EHD4: variants seen among roughly 807,000 people sequenced by gnomAD.
EHD4 encodes EH domain containing 4.
In EHD4, 37 loss-of-function variants were observed where a neutral mutation model predicts 51.0. The ratio of observed to expected loss-of-function variants is 0.73; its 90% confidence interval spans 0.56 to 0.95. The LOEUF is 0.95. Ranked by LOEUF, EHD4 falls within the 40% of genes least tolerant of loss-of-function variation. The pLI, the probability that EHD4 is intolerant of heterozygous loss-of-function variation, is 0.00. For synonymous variants in EHD4, 297 were observed against 317.3 expected, an observed-to-expected ratio of 0.94 and a Z score of 0.68; for missense variants, 632 against 733.1, an observed-to-expected ratio of 0.86 and a Z score of 1.59.
At chr15:41,968,852 A>T (rs1452979988) in intron 1 of EHD4, among the ~76,000 whole-genome samples, 1 of 152,192 alleles carries the variant, frequency 6.6e-6, no homozygotes, top group Non-Finnish European at 1.5e-5. Context: ...TAGTATATTC[A>T]CAAAGTTGTG....
chr15:41,970,504 G>A (rs2067988587), intron 1 of EHD4, among the ~76,000 whole-genome samples: 1 of 152,246 alleles, frequency 6.6e-6, no homozygotes. Context: ...AGAGAAGAGT[G>A]AGAATATAAT....
At chr15:41,917,601 C>T (rs756899204) in intron 4 of EHD4, among the ~76,000 whole-genome samples, 5 of 152,248 alleles carry the variant, frequency 3.3e-5, no homozygotes, top group Non-Finnish European at 5.9e-5. Context: ...GGGTGTCACA[C>T]ACCTTGAAGG....
chr15:41,919,430 A>C lies in EHD4; in HGVS notation c.704T>G (p.Val235Gly). Residue 235 changes from valine (V) to glycine (G), a missense_variant, in exon 4 of 6, where the codon GTC becomes GGC. Physicochemically the swap from Val to Gly is moderately radical, Grantham distance 109. Coordinates refer to ENST00000220325, the MANE Select transcript of EHD4 (RefSeq NM_139265.4). Reference sequence around the variant, plus strand: ...TAGGGACCACATGAGGGCCCCGTAGACCCGCATCAGCTGCTGCGTGTCCAC... The same window carrying C: ...TAGGGACCACATGAGGGCCCCGTAGCCCCGCATCAGCTGCTGCGTGTCCAC... ...DQVDTQQLMRVYGALMWSLGK... is the reference protein window; with the variant it reads ...DQVDTQQLMRGYGALMWSLGK... The C allele has an allele frequency of 6.3e-7, 1 of 1,587,772 alleles. No homozygotes were observed. The highest frequency in any genetic ancestry group is 8.6e-7 in the Non-Finnish European group (1 of 1,165,564).
At chr15:41,923,482 T>G (rs2067641159) in intron 3 of EHD4, among the ~76,000 whole-genome samples, 1 of 152,302 alleles carries the variant, frequency 6.6e-6, no homozygotes, top group East Asian at 1.9e-4. Context: ...AGACCACTGA[T>G]CCTCAAAGCC....
chr15:41,948,781 C>A (rs556063864), intron 2 of EHD4, among the ~76,000 whole-genome samples: 4 of 152,232 alleles, frequency 2.6e-5, no homozygotes, highest in South Asian at 4.1e-4. Context: ...GTAATCCCAG[C>A]ACTCTGGGAG....
intron 1 of EHD4, among the ~76,000 whole-genome samples, chr15:41,966,833 C>T (rs929913247): frequency 5.3e-5 from 8 of 152,206 alleles, no homozygotes; most frequent in African/African-American, 1.9e-4. Flanking sequence ...AGCACTGAGC[C>T]ACTACCCTCC....
At chr15:41,906,526 G>A (rs1402188215) in intron 5 of EHD4, among the ~76,000 whole-genome samples, 1 of 152,146 alleles carries the variant, frequency 6.6e-6, no homozygotes, top group African/African-American at 2.4e-5. Flanking sequence ...CCAAACGCAG[G>A]TACCCAGAAA....
intron 4 of EHD4, among the ~76,000 whole-genome samples, chr15:41,914,742 A>C (rs149374844): frequency 3.8e-4 from 57 of 152,000 alleles, no homozygotes; most frequent in Non-Finnish European, 7.4e-4. Flanking sequence ...TTTAGCCTGA[A>C]TCCATTTGGT....
chr15:41,922,615 T>C (rs551101231), intron 3 of EHD4, among the ~76,000 whole-genome samples: 44 of 152,338 alleles, frequency 2.9e-4, no homozygotes, highest in African/African-American at 1.0e-3. Flanking sequence ...CTGGGTTGAA[T>C]GGTTACCTTT....
At position 41,900,954 on chromosome 15, in the gene EHD4, C is replaced by A. The variant is rs756507905; in HGVS notation, c.1317G>T (p.Glu439Asp). Reference sequence around the variant, plus strand: ...TGTCTTTGGCCACGACCCACTCCTCCTCGTCGGCGCCCTCCTTGGCACCCT... The same window carrying A: ...TGTCTTTGGCCACGACCCACTCCTCATCGTCGGCGCCCTCCTTGGCACCCT... ...YGEGAKEGAD[E>D]EEWVVAKDKP... The change falls in exon 6 of 6, where the codon GAG becomes GAT. Residue 439 changes from glutamate (E) to aspartate (D), a missense_variant. Coordinates refer to ENST00000220325, the MANE Select transcript of EHD4 (RefSeq NM_139265.4). This position sits in a 1 kb window ranked among gnomAD's most constrained non-coding sequence, Gnocchi z 4.8. The A allele has an allele frequency of 6.2e-7, 1 of 1,613,044 alleles. No individual in the cohort carries two copies. Among genetic ancestry groups the A allele is most frequent in the African/African-American group, 1.3e-5 (1 of 74,916 alleles).
chr15:41,936,872 G>C (rs953264647), intron 3 of EHD4, among the ~76,000 whole-genome samples: 2 of 152,170 alleles, frequency 1.3e-5, no homozygotes, highest in Non-Finnish European at 2.9e-5. Context: ...GAAACAAAAA[G>C]AAATCAGGAT....
chr15:41,932,120 T>C (rs184186268), intron 3 of EHD4, among the ~76,000 whole-genome samples: 1 of 152,314 alleles, frequency 6.6e-6, no homozygotes. Flanking sequence ...GGCAAAAGAT[T>C]AGGAACAGCC....
At chr15:41,911,376 G>A (rs967134305) in intron 4 of EHD4, among the ~76,000 whole-genome samples, 2 of 152,158 alleles carry the variant, frequency 1.3e-5, no homozygotes, top group Admixed American at 6.5e-5. Flanking sequence ...TGAGAAACCC[G>A]AAGTTTGGGA....
Position 41,900,561 on chromosome 15 carries a change from G to T in EHD4, c.*84C>A, listed in dbSNP as rs1401462154. On this transcript the variant is annotated 3_prime_UTR_variant, in exon 6 of 6. Coordinates refer to ENST00000220325, the MANE Select transcript of EHD4 (RefSeq NM_139265.4). The surrounding 1 kb of genome is among the most constrained non-coding windows in gnomAD (Gnocchi z 4.8). The stretch of plus-strand genomic sequence containing the variant: ...CAAGGCACAGAGAGGGCAGTGCCTT[G>T]CCCAAGGTCATTCGGTGAGTCAGTG... The T allele has an allele frequency of 1.9e-5, 27 of 1,405,596 alleles. No individual in the cohort carries two copies. The highest frequency in any genetic ancestry group is 2.4e-5 in the Non-Finnish European group (25 of 1,055,464). The allele number at this position is 1,405,596 out of a possible 1,614,324, so 87.1% of individuals were successfully genotyped here. A position where few individuals can be genotyped will look rare whatever the true frequency, so the allele number is the denominator to read the frequency against.
At chr15:41,920,558 C>A (rs1038150070) in intron 3 of EHD4, among the ~76,000 whole-genome samples, 34 of 152,242 alleles carry the variant, frequency 2.2e-4, no homozygotes, top group Admixed American at 2.0e-4. Flanking sequence ...CTCCCCTCTT[C>A]TTTTAGATTT....
At chr15:41,911,131 G>A (rs2067546778) in intron 4 of EHD4, among the ~76,000 whole-genome samples, 1 of 152,170 alleles carries the variant, frequency 6.6e-6, no homozygotes, top group Non-Finnish European at 1.5e-5. Flanking sequence ...GTGAGGATTT[G>A]GATGCTAACC....
intron 3 of EHD4, chr15:41,941,616 G>A (rs2067771930): frequency 6.7e-6 from 1 of 149,742 alleles, no homozygotes; most frequent in African/African-American, 2.5e-5. Flanking sequence ...TAATTGCAAG[G>A]TTCTTGGAGG....
At chr15:41,911,100 G>C (rs2067546637) in intron 4 of EHD4, among the ~76,000 whole-genome samples, 1 of 152,182 alleles carries the variant, frequency 6.6e-6, no homozygotes, top group Non-Finnish European at 1.5e-5. Context: ...GACACATGCT[G>C]GACACAGCCA....
Position 41,943,148 on chromosome 15 carries a change from G to A in EHD4, c.430C>T (p.Leu144Phe). Residue 144 changes from leucine (L) to phenylalanine (F), a missense_variant, in exon 3 of 6, where the codon CTC (leucine) becomes TTC (phenylalanine). By Grantham distance (22) the Leu-to-Phe change is conservative. Transcript: ENST00000220325. ...AFLNRFMCSQ[L>F]PNQVLKSISV... ...ATGCTCTTCAGGACCTGATTGGGGA[G>A]CTGTGAGCACATGAATCTGGAAGAG... 6.3e-7 allele frequency: 1 copy of A among 1,589,152 alleles called. No homozygotes were observed. Among genetic ancestry groups the A allele is most frequent in the Non-Finnish European group, 8.6e-7 (1 of 1,167,602 alleles).
Sources: allele counts gnomAD v4.1 joint callset (sites outside exome capture counted in the v4.1 genomes callset), GRCh38; gene constraint gnomAD v4.1.1; non-coding constraint Gnocchi (gnomAD v3.1); transcripts MANE v1.5; gene names NCBI Gene and HGNC (gene_info 2026-07-23, HGNC 2026-07-21).